The following MNT variants were observed in gnomAD, a reference collection of about 807,000 sequenced individuals.
The protein encoded by MNT is max-binding protein MNT.
A neutral mutation model predicts 40.7 loss-of-function variants in MNT; 13 were observed. That is an observed-to-expected ratio of 0.32 (90% CI 0.21 to 0.51). MNT has a LOEUF of 0.51. MNT is among the 20% of genes least tolerant of loss of function. The pLI, the probability that MNT is intolerant of heterozygous loss-of-function variation, is 0.98. For synonymous variants in MNT, 426 were observed against 354.8 expected, an observed-to-expected ratio of 1.20 and a Z score of -2.26; for missense variants, 757 against 792.0, an observed-to-expected ratio of 0.96 and a Z score of 0.53.
chr17:2,395,561 C>T (rs1567869514), intron 1 of MNT, 107 bp from the exon 2 acceptor site: 2 of 1,529,124 alleles, frequency 1.3e-6, no homozygotes, highest in South Asian at 1.2e-5. Flanking sequence ...GACACCCCTG[C>T]TCAGCGAGAG....
chr17:2,396,484 G>A (rs2066579745), intron 1 of MNT: 1 of 152,610 alleles, frequency 6.6e-6, no homozygotes, highest in African/African-American at 2.4e-5. Context: ...TTGAGGAGGA[G>A]GAGGTACAGC....
intron 4 of MNT, among the ~76,000 whole-genome samples, chr17:2,393,252 C>A (rs1210547797): frequency 6.6e-6 from 1 of 151,862 alleles, no homozygotes; most frequent in African/African-American, 2.4e-5. Flanking sequence ...GCGGAAGCCC[C>A]GCCGGTTTCC....
chr17:2,385,173 C>T lies in MNT; in HGVS notation c.*1728G>A, dbSNP rs1291213356. The T allele has an allele frequency of 6.6e-6, 1 of 152,272 alleles. No individual in the cohort carries two copies. Among genetic ancestry groups the T allele is most frequent in the Non-Finnish European group, 1.5e-5 (1 of 68,108 alleles). The allele number at this position is 152,272 out of a possible 1,614,324, so 9.4% of individuals were successfully genotyped here. On this transcript the variant is annotated 3_prime_UTR_variant, in exon 6 of 6. Transcript: ENST00000174618. Reference sequence around the variant, plus strand: ...AGGAGAGAGAAATAAGGAACAGTCCCCTGGGAGGTGTCCAGGACCAGGAGG... The same window carrying T: ...AGGAGAGAGAAATAAGGAACAGTCCTCTGGGAGGTGTCCAGGACCAGGAGG...
intron 4 of MNT, among the ~76,000 whole-genome samples, chr17:2,393,090 C>G (rs1456694871): frequency 4.6e-5 from 7 of 152,004 alleles, no homozygotes; most frequent in African/African-American, 1.7e-4. Flanking sequence ...CCGCGCCGCC[C>G]CCGGAGCTTC....
chr17:2,394,205 C>CG (rs754209782), intron 3 of MNT, 51 bp from the exon 4 acceptor site: 194 of 1,188,104 alleles, frequency 1.6e-4, no homozygotes, highest in Non-Finnish European at 2.1e-4. Context: ...GGGGCTGGGA[C>CG]GGGGGGAGGC....
intron 4 of MNT, among the ~76,000 whole-genome samples, chr17:2,392,272 C>A (rs567868436): frequency 6.6e-6 from 1 of 152,300 alleles, no homozygotes; most frequent in South Asian, 2.1e-4. Flanking sequence ...TGTAGACAGG[C>A]CTTTGAGGTT....
In MNT at chr17:2,387,311, T is replaced by C; in HGVS notation, c.1339A>G (p.Thr447Ala). ...ACAGTCTGGATGACTGAAGCGTGAG[T>C]GGTGGCTGTGTGGGCGATGACCGTG... The part of the protein sequence containing the change: ...GSTVIAHTAT[T>A]HASVIQTVNH... Residue 447 changes from threonine (T) to alanine (A), a missense_variant, in exon 6 of 6, where the codon ACT becomes GCT. By Grantham distance (58) the Thr-to-Ala change is moderately conservative. Coordinates refer to ENST00000174618, the MANE Select transcript of MNT (RefSeq NM_020310.3). 6.2e-7 allele frequency: 1 copy of C among 1,613,050 alleles called. No individual in the cohort carries two copies. Among genetic ancestry groups the C allele is most frequent in the Non-Finnish European group, 8.5e-7 (1 of 1,179,756 alleles).
intron 1 of MNT, 27 bp downstream of exon 1, chr17:2,400,613 C>G (rs1186204296): frequency 6.4e-7 from 1 of 1,568,336 alleles, no homozygotes; most frequent in African/African-American, 1.4e-5. Context: ...TTCCCCAGTG[C>G]CCCAGGGGCC....
chr17:2,392,935 G>A (rs530443642), intron 4 of MNT, among the ~76,000 whole-genome samples: 126 of 152,210 alleles, frequency 8.3e-4, no homozygotes, highest in Non-Finnish European at 1.6e-3. Flanking sequence ...GCGAAGCAGC[G>A]CCTCAGCCCC....
rs1309103458 is a variant in MNT at position 2,386,991 on chromosome 17, G to A, written c.1659C>T (p.His553=). 5 of 1,529,454 alleles carry A rather than the reference G, an allele frequency of 3.3e-6. No individual in the cohort carries two copies. Among genetic ancestry groups the A allele is most frequent in the Non-Finnish European group, 4.4e-6 (5 of 1,135,624 alleles). 94.7% of individuals were successfully genotyped at this position (1,529,454 alleles called of 1,614,324 possible). A position where few individuals can be genotyped will look rare whatever the true frequency, so the allele number is the denominator to read the frequency against. ...CGGTCTGGCCCACCAGCTGGGGGTGGTGCACCACCTGAGCCCCCACGGCCG... is the reference window on the plus strand; with the variant it reads ...CGGTCTGGCCCACCAGCTGGGGGTGATGCACCACCTGAGCCCCCACGGCCG... ...AKPAVGAQVV[H]HPQLVGQTVL... The change falls in exon 6 of 6, where the codon CAC becomes CAT. Residue 553 remains histidine, a synonymous_variant. Coordinates refer to ENST00000174618, the MANE Select transcript of MNT (RefSeq NM_020310.3).
Position 2,385,908 on chromosome 17 carries a change from C to G in MNT, c.*993G>C, listed in dbSNP as rs1036801574. 3.9e-5 allele frequency: 6 copies of G among 152,424 alleles called. 1 individual carries two copies. Among genetic ancestry groups the G allele is most frequent in the Non-Finnish European group, 5.9e-5 (4 of 68,184 alleles). The allele number at this position is 152,424 out of a possible 1,614,324, so 9.4% of individuals were successfully genotyped here. A position where few individuals can be genotyped will look rare whatever the true frequency, so the allele number is the denominator to read the frequency against. On this transcript the variant is annotated 3_prime_UTR_variant, in exon 6 of 6. Coordinates refer to ENST00000174618, the MANE Select transcript of MNT (RefSeq NM_020310.3). The stretch of plus-strand genomic sequence containing the variant: ...TGTCTCCCAAACTGCAGGAGGCACC[C>G]AAACCCACAGGCCGCCAGGCCCACC...
chr17:2,389,690 CA>C (rs2151666367), intron 4 of MNT: 1 of 152,464 alleles, frequency 6.6e-6, no homozygotes, highest in South Asian at 2.1e-4. Context: ...CACTCCCCTC[CA>C]ACCTGGGGGA....
At chr17:2,399,542 G>A (rs972880243) in intron 1 of MNT, among the ~76,000 whole-genome samples, 1 of 152,178 alleles carries the variant, frequency 6.6e-6, no homozygotes, top group Non-Finnish European at 1.5e-5. Context: ...GAGCCGACAG[G>A]TGAGCTCGGC....
At chr17:2,398,222 A>G (rs2151672468) in intron 1 of MNT, among the ~76,000 whole-genome samples, 1 of 152,368 alleles carries the variant, frequency 6.6e-6, no homozygotes, top group Non-Finnish European at 1.5e-5. Context: ...GAAGAGTTGC[A>G]TCTGAGCCAC....
chr17:2,394,789 G>C (rs747443453), intron 2 of MNT, 86 bp downstream of exon 2: 58 of 947,088 alleles, frequency 6.1e-5, no homozygotes, highest in Non-Finnish European at 9.2e-5. Flanking sequence ...TTCTAAGCTG[G>C]GGAGGGCACC....
At chr17:2,400,233 C>T in intron 1 of MNT, 1 of 194,622 alleles carries the variant, frequency 5.1e-6, no homozygotes, top group Non-Finnish European at 1.1e-5. Context: ...CTTCCCGAGG[C>T]TCACATCACA....
chr17:2,397,160 C>T (rs758066702), intron 1 of MNT, among the ~76,000 whole-genome samples: 5 of 152,164 alleles, frequency 3.3e-5, no homozygotes, highest in African/African-American at 4.8e-5. Flanking sequence ...CCTAGCCCTT[C>T]GGGAAGGGGC....
Position 2,386,237 on chromosome 17 carries a change from T to C in MNT, c.*664A>G, listed in dbSNP as rs2066458883. The C allele has an allele frequency of 1.3e-5, 2 of 152,220 alleles. No homozygotes were observed. Among genetic ancestry groups the C allele is most frequent in the African/African-American group, 2.4e-5 (1 of 41,436 alleles). 9.4% of individuals were successfully genotyped at this position (152,220 alleles called of 1,614,324 possible). A position where few individuals can be genotyped will look rare whatever the true frequency, so the allele number is the denominator to read the frequency against. On this transcript the variant is annotated 3_prime_UTR_variant, in exon 6 of 6. Coordinates refer to ENST00000174618, the MANE Select transcript of MNT (RefSeq NM_020310.3). ...CTTGGCAGTGGCTGGGTTTGGTTTA[T>C]TGTTGGTAGAGAATCATTTTAAGTA...
In MNT at chr17:2,387,415, G is replaced by A. The variant is rs373155746; in HGVS notation, c.1235C>T (p.Pro412Leu). The A allele has an allele frequency of 2.5e-5, 41 of 1,611,794 alleles. No homozygotes were observed. The highest frequency in any genetic ancestry group is 3.4e-5 in the Non-Finnish European group (40 of 1,178,924). Residue 412 changes from proline (P) to leucine (L), a missense_variant, in exon 6 of 6, where the codon CCT (proline) becomes CTT (leucine). Around this residue, in one of 4 missense-constraint regions of MNT, gnomAD observed 345 missense variants for 380.1 expected, o/e 0.91. Transcript: ENST00000174618. ...GGCAGGGGCAGCCGGTGGGGGAGGA[G>A]GGGCTGGCAGAGGGGTCTTCTGCTG... Reference protein sequence around the residue: ...QPQQKTPLPAPPPPPAAPAQT... With the variant: ...QPQQKTPLPALPPPPAAPAQT...
Sources: allele counts gnomAD v4.1 joint callset (sites outside exome capture counted in the v4.1 genomes callset), GRCh38; gene constraint gnomAD v4.1.1; regional missense constraint gnomAD v4.1.1; transcripts MANE v1.5; gene names NCBI Gene and HGNC (gene_info 2026-07-23, HGNC 2026-07-21).